CHRM2: variants seen among roughly 807,000 people sequenced by gnomAD.
CHRM2 encodes the protein cholinergic receptor muscarinic 2.
CHRM2 carries 8 observed loss-of-function variants against 25.0 expected under a neutral mutation model. The ratio of observed to expected loss-of-function variants is 0.32; its 90% CI spans 0.19 to 0.58. The LOEUF (loss-of-function observed/expected upper bound fraction) is 0.58, where lower values mean the gene tolerates loss of function less well. Among genes scored for constraint, CHRM2 ranks in the 20% least tolerant of loss-of-function variants. CHRM2 has a pLI of 0.88. For missense variants in CHRM2, 440 were observed against 567.1 expected (o/e 0.78, Z 2.28); for synonymous variants, 202 against 205.7 (o/e 0.98, Z 0.15).
In CHRM2 at chr7:136,892,488, C is replaced by A. The variant is rs370709533; in HGVS notation, c.-125+23070C>A. ...AAAAAAAAATGATTCATGGGACGAG[C>A]AGAATGATGTTGAGTCTAAGTCTAA... On this transcript the variant is annotated intron_variant, in intron 2 of 3. Coordinates refer to ENST00000680005, the MANE Select transcript of CHRM2 (RefSeq NM_001006630.2). 7.9e-5 allele frequency among the ~76,000 whole-genome samples: 12 copies of A among 151,956 alleles called. No homozygotes were observed. In the East Asian group the frequency reaches 2.3e-3, roughly 30 times the overall value.
chr7:136,882,572 C>A (rs946020438), intron 2 of CHRM2, among the ~76,000 whole-genome samples: 3 of 152,068 alleles, frequency 2.0e-5, no homozygotes, highest in African/African-American at 7.2e-5. Context: ...TTTCCTACTA[C>A]CCCAATCTGC....
At chr7:136,993,215 G>A (rs531307223) in intron 3 of CHRM2, among the ~76,000 whole-genome samples, 185 of 152,140 alleles carry the variant, frequency 1.2e-3, no homozygotes, top group African/African-American at 3.8e-3. Flanking sequence ...TGAGAGAGAG[G>A]GAGAGAGAAA....
At position 137,000,451 on chromosome 7, in the gene CHRM2, C is replaced by T. The variant is rs34886278; in HGVS notation, c.-47+8187C>T. Among the ~76,000 whole-genome samples the T allele has an allele frequency of 2.6e-3, 399 of 150,698 alleles. 2 individuals carry two copies. The highest frequency in any genetic ancestry group is 8.9e-3 in the African/African-American group (366 of 41,088). On this transcript the variant is annotated intron_variant, in intron 3 of 3. Coordinates refer to ENST00000680005, the MANE Select transcript of CHRM2 (RefSeq NM_001006630.2). The stretch of plus-strand genomic sequence containing the variant: ...CTGACCTCAGGTGATCTGCCCACCT[C>T]GGCCTCCCAAAGTGCTGGGATTACA...
intron 3 of CHRM2, among the ~76,000 whole-genome samples, chr7:137,001,131 A>C (rs1468977281): frequency 2.0e-5 from 3 of 151,976 alleles, no homozygotes; most frequent in Non-Finnish European, 4.4e-5. Flanking sequence ...ACATAATGAA[A>C]ACTCCCCACC....
intron 2 of CHRM2, among the ~76,000 whole-genome samples, chr7:136,924,947 G>A (rs902889797): frequency 2.0e-5 from 3 of 152,024 alleles, no homozygotes; most frequent in African/African-American, 4.8e-5. Context: ...CATCTACTCT[G>A]CCATAGTTTT....
At chr7:136,985,504 C>CAAAAAAAAAAAAA (rs974105875) in intron 2 of CHRM2, among the ~76,000 whole-genome samples, 7 of 59,752 alleles carry the variant, frequency 1.2e-4, no homozygotes, top group African/African-American at 2.3e-4. Context: ...AGTTAGACTC[C>CAAAAAAAAAAAAA]AAAAAAAAAA....
chr7:137,005,044 C>A (rs1028107964), intron 3 of CHRM2, among the ~76,000 whole-genome samples: 4 of 151,960 alleles, frequency 2.6e-5, no homozygotes, highest in Admixed American at 2.6e-4. Context: ...TATATGAGGC[C>A]TGTGTCATTT....
chr7:136,870,476 C>T (rs566879169), intron 2 of CHRM2: 1 of 152,782 alleles, frequency 6.5e-6, no homozygotes, highest in Admixed American at 6.5e-5. Context: ...CGGCGGCACA[C>T]CCTTTGCCTC....
chr7:136,987,585 C>T (rs1359574838), intron 2 of CHRM2, among the ~76,000 whole-genome samples: 2 of 152,222 alleles, frequency 1.3e-5, no homozygotes, highest in South Asian at 2.1e-4. Flanking sequence ...CCCTCAAAGA[C>T]GCTCAAGTGA....
In CHRM2 at chr7:137,016,173, C is replaced by T. The variant is rs1464476998; in HGVS notation, c.1308C>T (p.Asn436=). ...TTTGTTACATCAACAGCACTATCAA[C>T]CCTGCCTGCTATGCACTTTGCAATG... ...YWLCYINSTI[N]PACYALCNAT... is the part of the protein sequence containing the mutation. The change falls in exon 4 of 4, where the codon AAC becomes AAT. Residue 436 remains asparagine (N), a synonymous_variant. Transcript: ENST00000680005. 1 of 1,613,074 alleles carries T rather than the reference C, an allele frequency of 6.2e-7. No individual in the cohort carries two copies. The highest frequency in any genetic ancestry group is 1.1e-5 in the South Asian group (1 of 91,054).
At chr7:137,011,462 C>T (rs1315443386) in intron 3 of CHRM2, among the ~76,000 whole-genome samples, 1 of 151,796 alleles carries the variant, frequency 6.6e-6, no homozygotes, top group South Asian at 2.1e-4. Context: ...TTCTGATGTC[C>T]AAGACCGCAG....
At chr7:136,885,398 A>G (rs1329055064) in intron 2 of CHRM2, among the ~76,000 whole-genome samples, 2 of 152,240 alleles carry the variant, frequency 1.3e-5, no homozygotes, top group Non-Finnish European at 2.9e-5. Flanking sequence ...AGCCACATAA[A>G]GAGGACATTG....
chr7:137,001,800 T>C (rs1315351563), intron 3 of CHRM2, among the ~76,000 whole-genome samples: 1 of 152,176 alleles, frequency 6.6e-6, no homozygotes, highest in Admixed American at 6.5e-5. Context: ...TGGAATAATA[T>C]TTCCAGATAA....
At chr7:136,873,414 C>A (rs2130459386) in intron 2 of CHRM2, among the ~76,000 whole-genome samples, 1 of 152,330 alleles carries the variant, frequency 6.6e-6, no homozygotes, top group African/African-American at 2.4e-5. Flanking sequence ...TCTGTTTTGT[C>A]AGTTGCTTTA....
chr7:136,892,202 A>G (rs779940744), intron 2 of CHRM2, among the ~76,000 whole-genome samples: 15 of 152,224 alleles, frequency 9.9e-5, no homozygotes, highest in African/African-American at 1.4e-4. Flanking sequence ...AAAATTCTTG[A>G]CAGTTGGTGA....
rs11982830 is a variant in CHRM2, at chr7:136,977,860, A to G, written c.-124-14327A>G. Among the ~76,000 whole-genome samples, 296 of 152,324 alleles carry G rather than the reference A, an allele frequency of 1.9e-3. 2 individuals carry two copies. The highest frequency in any genetic ancestry group is 3.4e-3 in the Non-Finnish European group (230 of 68,028). On this transcript the variant is annotated intron_variant, in intron 2 of 3. Coordinates refer to ENST00000680005, the MANE Select transcript of CHRM2 (RefSeq NM_001006630.2). ...TCCTAGGTTTTCTTCCAGAATTTGT[A>G]TAGCTTGAGGTCTTACATTTAAATC... is the stretch of plus-strand genomic sequence containing the variant.
chr7:136,974,205 G>A (rs1370669951), intron 2 of CHRM2, among the ~76,000 whole-genome samples: 1 of 152,064 alleles, frequency 6.6e-6, no homozygotes, highest in African/African-American at 2.4e-5. Context: ...GCACAGAGAG[G>A]GATATCATGA....
chr7:136,930,927 A>AAAAAAAAAAAAAAAAG lies in CHRM2; in HGVS notation c.-124-61260_-124-61259insAAAAAAAAAAAAAAAG, dbSNP rs1290104978. On this transcript the variant is annotated intron_variant, in intron 2 of 3. Transcript: ENST00000680005. ...AAAAAAAAAAAAAAAAAAAAAAAAA[A>AAAAAAAAAAAAAAAAG]GGATAGAAAGATCCTTACCACATAT... Among the ~76,000 whole-genome samples the AAAAAAAAAAAAAAAAG allele has an allele frequency of 3.2e-4, 45 of 138,660 alleles. 1 individual carries two copies. The highest frequency in any genetic ancestry group is 3.8e-3 in the Middle Eastern group (1 of 264). The allele number at this position is 138,660 out of a possible 152,430, so 91.0% of individuals were successfully genotyped here.
At chr7:136,905,527 CT>C (rs747284861) in intron 2 of CHRM2, among the ~76,000 whole-genome samples, 11 of 151,664 alleles carry the variant, frequency 7.3e-5, no homozygotes, top group Non-Finnish European at 1.5e-4. Flanking sequence ...GTACACTTTG[CT>C]TGTAATTCTA....
Sources: allele counts gnomAD v4.1 joint callset (sites outside exome capture counted in the v4.1 genomes callset), GRCh38; gene constraint gnomAD v4.1.1; transcripts MANE v1.5; gene names NCBI Gene and HGNC (gene_info 2026-07-23, HGNC 2026-07-21).